PLCB4: variants seen among roughly 807,000 people sequenced by gnomAD.
The protein encoded by PLCB4 is phospholipase C beta 4, also known as 1-phosphatidylinositol 4,5-bisphosphate phosphodiesterase beta-4.
Under a neutral mutation model 178.8 loss-of-function variants are expected in PLCB4, and 77 were observed. The ratio of observed to expected loss-of-function variants is 0.43; its 90% CI spans 0.36 to 0.52. PLCB4 has a LOEUF of 0.52. Among genes scored for constraint, PLCB4 ranks in the 20% least tolerant of loss-of-function variants. The pLI is 0.00. For synonymous variants in PLCB4, 496 were observed against 490.8 expected (o/e 1.01, Z -0.14); for missense variants, 1,024 against 1,453.4 (o/e 0.70, Z 4.80).
intron 4 of PLCB4, 59 bp from the exon 5 acceptor site, chr20:9,337,067 A>G: frequency 9.1e-7 from 1 of 1,097,552 alleles, no homozygotes; most frequent in South Asian, 1.3e-5. Flanking sequence ...CAATATTTTC[A>G]TTTTTATTAG....
intron 2 of PLCB4, among the ~76,000 whole-genome samples, chr20:9,122,846 T>G (rs968595648): frequency 7.2e-5 from 11 of 152,142 alleles, no homozygotes; most frequent in African/African-American, 2.7e-4. Context: ...GGGCTTGCAG[T>G]TTAAAAGCCA....
chr20:9,157,080 G>A (rs2092804849), intron 2 of PLCB4, among the ~76,000 whole-genome samples: 1 of 151,758 alleles, frequency 6.6e-6, no homozygotes, highest in Admixed American at 6.6e-5. Flanking sequence ...CTGCTAAATG[G>A]AGTGGAGTGA....
chr20:9,330,259 G>A (rs2031431427), intron 4 of PLCB4, among the ~76,000 whole-genome samples: 1 of 152,152 alleles, frequency 6.6e-6, no homozygotes, highest in Non-Finnish European at 1.5e-5. Context: ...GGTCTCTTTG[G>A]TGGTAGTCAC....
intron 8 of PLCB4, 21 bp from the exon 9 acceptor site, chr20:9,365,439 TG>T (rs1346985460): frequency 1.3e-6 from 2 of 1,548,424 alleles, no homozygotes; most frequent in South Asian, 2.2e-5. Flanking sequence ...ATTAAGGCAA[TG>T]TTATTGCTAT....
chr20:9,203,488 T>C (rs1365471328), intron 2 of PLCB4, among the ~76,000 whole-genome samples: 2 of 152,192 alleles, frequency 1.3e-5, no homozygotes, highest in African/African-American at 4.8e-5. Flanking sequence ...CTATTCTTAG[T>C]TTAATTTGCA....
chr20:9,142,491 G>T (rs1340783191), intron 2 of PLCB4, among the ~76,000 whole-genome samples: 1 of 152,088 alleles, frequency 6.6e-6, no homozygotes, highest in Non-Finnish European at 1.5e-5. Context: ...GATGCTGTTG[G>T]ATTAAATAAA....
intron 25 of PLCB4, among the ~76,000 whole-genome samples, chr20:9,416,335 T>A (rs947553994): frequency 6.6e-6 from 1 of 152,102 alleles, no homozygotes; most frequent in African/African-American, 2.4e-5. Flanking sequence ...AAGTGAGGAA[T>A]CTCTGGACAC....
chr20:9,280,580 T>A (rs762852546), intron 3 of PLCB4: 1 of 345,656 alleles, frequency 2.9e-6, no homozygotes, highest in East Asian at 1.7e-4. Context: ...AGAAAACTGA[T>A]GCCTGCCTTG....
At chr20:9,420,394 G>A (rs141254944) in intron 26 of PLCB4, among the ~76,000 whole-genome samples, 2 of 152,058 alleles carry the variant, frequency 1.3e-5, no homozygotes, top group East Asian at 3.9e-4. Flanking sequence ...CAGGAGTGCA[G>A]TGGCACAATC....
At chr20:9,227,944 A>G (rs1030573007) in intron 3 of PLCB4, among the ~76,000 whole-genome samples, 3 of 152,174 alleles carry the variant, frequency 2.0e-5, no homozygotes, top group African/African-American at 7.2e-5. Context: ...GTGATTGCAT[A>G]TGGGGTTATT....
At position 9,457,403 on chromosome 20, in the gene PLCB4, T is replaced by G. The variant is rs762994623; in HGVS notation, c.2997-11T>G. The G allele has an allele frequency of 4.3e-6, 6 of 1,398,022 alleles. 1 individual carries two copies. In the South Asian group the frequency reaches 5.8e-5, roughly 13 times the overall value. 86.6% of individuals were successfully genotyped at this position (1,398,022 alleles called of 1,614,324 possible). On this transcript the variant is annotated splice_polypyrimidine_tract_variant and intron_variant, in intron 33 of 39. Transcript: ENST00000378473. Reference sequence around the variant, plus strand: ...AATTTCTGGCATGCATTTGCAACTTTCCATTTTCAGGGGAAGTAATTGTCT... The same window carrying G: ...AATTTCTGGCATGCATTTGCAACTTGCCATTTTCAGGGGAAGTAATTGTCT...
At chr20:9,279,573 A>G (rs575199651) in intron 3 of PLCB4, among the ~76,000 whole-genome samples, 18 of 152,170 alleles carry the variant, frequency 1.2e-4, no homozygotes, top group Non-Finnish European at 2.2e-4. Context: ...AATTCAGCTC[A>G]AATTTGAGAT....
chr20:9,468,475 A>C, intron 35 of PLCB4, 96 bp from the exon 36 acceptor site: 1 of 758,284 alleles, frequency 1.3e-6, no homozygotes. Context: ...ACCCACCTCT[A>C]GAACTTTCTC....
chr20:9,251,890 A>G (rs2094184886), intron 3 of PLCB4, among the ~76,000 whole-genome samples: 1 of 152,230 alleles, frequency 6.6e-6, no homozygotes, highest in Non-Finnish European at 1.5e-5. Context: ...ATTAACCAAT[A>G]TATTCATACT....
chr20:9,301,630 T>C (rs1226901787), intron 3 of PLCB4, among the ~76,000 whole-genome samples: 1 of 152,182 alleles, frequency 6.6e-6, no homozygotes, highest in Non-Finnish European at 1.5e-5. Flanking sequence ...GCCATATTTA[T>C]GGGTAATGCA....
chr20:9,396,997 T>C (rs1039593666), intron 19 of PLCB4, among the ~76,000 whole-genome samples: 1 of 152,188 alleles, frequency 6.6e-6, no homozygotes, highest in Non-Finnish European at 1.5e-5. Flanking sequence ...GTTTGCTGCA[T>C]CAATTGACCC....
chr20:9,182,309 A>G (rs2093259782), intron 2 of PLCB4, among the ~76,000 whole-genome samples: 1 of 152,112 alleles, frequency 6.6e-6, no homozygotes, highest in Non-Finnish European at 1.5e-5. Context: ...GCTATCAATC[A>G]CCTGCTTCTG....
At chr20:9,207,807 G>T (rs2147223693) in intron 2 of PLCB4, among the ~76,000 whole-genome samples, 1 of 152,224 alleles carries the variant, frequency 6.6e-6, no homozygotes, top group African/African-American at 2.4e-5. Flanking sequence ...TAGTGGAAGA[G>T]GGTTTAGAAG....
At chr20:9,427,903 CG>C in intron 28 of PLCB4, among the ~76,000 whole-genome samples, 1 of 152,268 alleles carries the variant, frequency 6.6e-6, no homozygotes, top group African/African-American at 2.4e-5. Context: ...CTTTGTTCCT[CG>C]GGCAGTGCTG....
Sources: gnomAD v4.1 joint callset for allele counts (sites outside exome capture counted in the v4.1 genomes callset) on GRCh38, gnomAD v4.1.1 for gene constraint, MANE v1.5 for transcripts, NCBI Gene and HGNC (gene_info 2026-07-23, HGNC 2026-07-21) for gene names.